STARD8: variants seen among roughly 807,000 people sequenced by gnomAD.
STARD8 encodes StAR related lipid transfer domain containing 8.
In STARD8, 25 loss-of-function variants were observed where a neutral mutation model predicts 69.4. That is an observed-to-expected ratio of 0.36 (90% CI 0.26 to 0.50). The LOEUF (loss-of-function observed/expected upper bound fraction) is 0.50. Ranked by LOEUF, STARD8 falls within the 20% of genes least tolerant of loss-of-function variation. The probability of loss-of-function intolerance (pLI) is 0.96; values close to 1 mark genes in which losing one functional copy is unlikely to be tolerated. For missense variants in STARD8, 921 were observed against 932.5 expected (o/e 0.99, Z 0.16); for synonymous variants, 389 against 374.6 (o/e 1.04, Z -0.45).
intron 2 of STARD8, among the ~76,000 whole-genome samples, chrX:68,679,572 A>G (rs142374409): frequency 0.013 from 1,416 of 112,055 alleles, 17 homozygotes; most frequent in African/African-American, 0.043. Flanking sequence ...AAGCTTGGGC[A>G]AAGAAGAGCT....
At position 68,709,750 on chromosome X, in the gene STARD8, G is replaced by A. The variant is rs1054627574; in HGVS notation, c.80-3164G>A. Among the ~76,000 whole-genome samples, 15 of 110,604 alleles carry A rather than the reference G, an allele frequency of 1.4e-4. No homozygotes were observed. In the East Asian group the frequency reaches 4.3e-3, roughly 31 times the overall value. ...AGATGGGAGGATCACACAAACCCAG[G>A]AGTTTGAGCCTGCAGTGAGCTGTGA... On this transcript the variant is annotated intron_variant, in intron 2 of 14. Transcript: ENST00000374599.
chrX:68,666,431 A>G (rs1415467687), intron 2 of STARD8, among the ~76,000 whole-genome samples: 1 of 112,311 alleles, frequency 8.9e-6, no homozygotes, highest in Non-Finnish European at 1.9e-5. Flanking sequence ...TCTATTAACA[A>G]GTGGCATGCT....
At chrX:68,662,604 G>A (rs1452947693) in intron 1 of STARD8, among the ~76,000 whole-genome samples, 2 of 111,693 alleles carry the variant, frequency 1.8e-5, no homozygotes, top group Non-Finnish European at 3.8e-5. Context: ...GAACAGACGG[G>A]TGGGACAAAC....
chrX:68,716,123 C>A (rs1275704117), intron 4 of STARD8, among the ~76,000 whole-genome samples: 2 of 112,299 alleles, frequency 1.8e-5, no homozygotes, highest in African/African-American at 6.5e-5. Context: ...GCTGTGCCTT[C>A]TGTCTGCTCT....
chrX:68,718,737 C>T (rs2080120995), intron 6 of STARD8, 108 bp downstream of exon 6: 21 of 1,089,762 alleles, frequency 1.9e-5, no homozygotes, highest in Non-Finnish European at 2.5e-5. Context: ...TTGGCGGCTG[C>T]GTTATCCCCT....
At chrX:68,656,760 A>C (rs1272692818) in intron 1 of STARD8, among the ~76,000 whole-genome samples, 2 of 111,468 alleles carry the variant, frequency 1.8e-5, no homozygotes, top group Non-Finnish European at 3.8e-5. Context: ...TCTCAAGGAC[A>C]AAAAACCAAA....
At chrX:68,651,044 CA>C (rs1343686871) in intron 1 of STARD8, among the ~76,000 whole-genome samples, 1 of 112,459 alleles carries the variant, frequency 8.9e-6, no homozygotes, top group Admixed American at 9.4e-5. Flanking sequence ...TACCCTGGCA[CA>C]AACAGGCAAA....
chrX:68,680,379 G>C (rs973465291), intron 2 of STARD8, among the ~76,000 whole-genome samples: 3 of 112,145 alleles, frequency 2.7e-5, no homozygotes, highest in African/African-American at 9.7e-5. Flanking sequence ...GGCTGGGCTT[G>C]TGTGGAAGCC....
intron 2 of STARD8, among the ~76,000 whole-genome samples, 153 bp downstream of exon 2, chrX:68,665,685 A>G (rs1464412280): frequency 1.8e-5 from 2 of 111,914 alleles, no homozygotes; most frequent in East Asian, 5.7e-4. Flanking sequence ...TCCACTGGGC[A>G]TTTGCTGTCC....
Position 68,716,374 on chromosome X carries a change from G to A in STARD8, c.240G>A (p.Leu80=), listed in dbSNP as rs147851272. The change falls in exon 5 of 15, where the codon CTG becomes CTA. Residue 80 remains leucine, a synonymous_variant. Transcript: ENST00000374599. ...CACTTCCATTTTGTTACAGGAGGCTGATGACCTTGAATAATTGTGCCTCGA... is the reference window on the plus strand; with the variant it reads ...CACTTCCATTTTGTTACAGGAGGCTAATGACCTTGAATAATTGTGCCTCGA... ...EDSLGALCRR[L]MTLNNCASMK... The A allele has an allele frequency of 1.2e-3, 1,489 of 1,208,822 alleles. 13 individuals carry two copies. In the African/African-American group the frequency reaches 0.023, roughly 18 times the overall value.
chrX:68,654,080 G>A (rs893058508), intron 1 of STARD8, among the ~76,000 whole-genome samples: 1 of 111,211 alleles, frequency 9.0e-6, no homozygotes, highest in Admixed American at 9.6e-5. Context: ...AGATAATCAT[G>A]CAATATCAGA....
intron 1 of STARD8, among the ~76,000 whole-genome samples, chrX:68,653,743 C>CCA (rs1344880105): frequency 6.2e-5 from 6 of 97,399 alleles, no homozygotes; most frequent in African/African-American, 1.9e-4. Context: ...ACACCACACG[C>CCA]CACACACACA....
At chrX:68,650,837 A>AAAACAAAACT (rs2079544222) in intron 1 of STARD8, among the ~76,000 whole-genome samples, 7 of 108,045 alleles carry the variant, frequency 6.5e-5, no homozygotes, top group Non-Finnish European at 1.1e-4. Flanking sequence ...AAAACAAAAC[A>AAAACAAAACT]AAACTGGTGG....
At position 68,724,475 on chromosome X, in the gene STARD8, A is replaced by G. The variant is rs1034188270; in HGVS notation, c.*53A>G. 2.6e-5 allele frequency: 28 copies of G among 1,056,895 alleles called. No homozygotes were observed. The highest frequency in any genetic ancestry group is 3.4e-5 in the Non-Finnish European group (26 of 768,847). 87.1% of individuals were successfully genotyped at this position (1,056,895 alleles called of 1,213,427 possible). On this transcript the variant is annotated 3_prime_UTR_variant, in exon 15 of 15. Coordinates refer to ENST00000374599, the MANE Select transcript of STARD8 (RefSeq NM_001142503.3). ...ACCCAGGCCCCCTGGGCACCAAGGG[A>G]GCGAGGGGGAATAAGAGCAGGGCAG...
At chrX:68,665,316 C>A (rs759507230) in intron 1 of STARD8, among the ~76,000 whole-genome samples, 183 bp from the exon 2 acceptor site, 9 of 111,777 alleles carry the variant, frequency 8.1e-5, no homozygotes, top group Non-Finnish European at 1.3e-4. Flanking sequence ...ATGGAGTGGG[C>A]AGCCAGGAGT....
At chrX:68,648,715 T>C (rs2079530101) in intron 1 of STARD8, among the ~76,000 whole-genome samples, 1 of 112,327 alleles carries the variant, frequency 8.9e-6, no homozygotes, top group Admixed American at 9.4e-5. Context: ...ATAGTCAGTT[T>C]GTCAGTAAAT....
At chrX:68,650,234 G>A (rs1044423129) in intron 1 of STARD8, among the ~76,000 whole-genome samples, 3 of 110,231 alleles carry the variant, frequency 2.7e-5, no homozygotes, top group African/African-American at 9.9e-5. Flanking sequence ...GACCAGCCTG[G>A]GCAATAATGA....
rs760136830 is a variant in STARD8 at position 68,719,139 on chromosome X, A to G, written c.1716-86A>G. The G allele has an allele frequency of 1.7e-4, 169 of 1,015,977 alleles. No homozygotes were observed. In the African/African-American group the frequency reaches 2.9e-3, roughly 18 times the overall value. 83.7% of individuals were successfully genotyped at this position (1,015,977 alleles called of 1,213,427 possible). A position where few individuals can be genotyped will look rare whatever the true frequency, so the allele number is the denominator to read the frequency against. On this transcript the variant is annotated intron_variant, in intron 6 of 14. Coordinates refer to ENST00000374599, the MANE Select transcript of STARD8 (RefSeq NM_001142503.3). The stretch of plus-strand genomic sequence containing the variant: ...CCTGCATTTTTTCTTTGGGGAGAAA[A>G]AAGGGGACCACAATAACACCTTTTC...
chrX:68,648,496 C>T (rs1450019640), intron 1 of STARD8, among the ~76,000 whole-genome samples: 1 of 111,401 alleles, frequency 9.0e-6, no homozygotes, highest in Non-Finnish European at 1.9e-5. Context: ...CACAGTGGCT[C>T]ACGTCTGTAA....
Sources: allele counts gnomAD v4.1 joint callset (sites outside exome capture counted in the v4.1 genomes callset), GRCh38; gene constraint gnomAD v4.1.1; transcripts MANE v1.5; gene names NCBI Gene and HGNC (gene_info 2026-07-23, HGNC 2026-07-21).